Variants in RAD51B observed in about 807,000 individuals in gnomAD.
The protein encoded by RAD51B is DNA repair protein RAD51 homolog 2.
RAD51B carries 38 observed loss-of-function variants against 42.2 expected under a neutral mutation model. The ratio of observed to expected loss-of-function variants is 0.90; its 90% CI spans 0.70 to 1.18. The LOEUF (loss-of-function observed/expected upper bound fraction) is 1.18, where lower values mean the gene tolerates loss of function less well. Ranked by LOEUF, RAD51B falls within the 50% of genes most tolerant of loss-of-function variation. The pLI, the probability that RAD51B is intolerant of heterozygous loss-of-function variation, is 0.00. For missense variants in RAD51B, 373 were observed against 400.7 expected (o/e 0.93, Z 0.59); for synonymous variants, 154 against 145.2 (o/e 1.06, Z -0.43).
intron 7 of RAD51B, among the ~76,000 whole-genome samples, chr14:68,017,875 G>A (rs1224393024): frequency 1.3e-5 from 2 of 152,058 alleles, no homozygotes; most frequent in Non-Finnish European, 2.9e-5. Flanking sequence ...GGACGCTGAG[G>A]CAGGAGAATG....
chr14:68,227,151 A>G (rs545418668), intron 7 of RAD51B, among the ~76,000 whole-genome samples: 13 of 152,194 alleles, frequency 8.5e-5, no homozygotes, highest in Non-Finnish European at 1.5e-4. Flanking sequence ...GAAACAAAAG[A>G]TTGACATAAG....
intron 8 of RAD51B, among the ~76,000 whole-genome samples, chr14:68,399,203 G>C (rs1360501769): frequency 1.3e-5 from 2 of 151,012 alleles, no homozygotes; most frequent in African/African-American, 2.4e-5. Context: ...CTACAGAAAA[G>C]TTCCAAGAAA....
chr14:68,070,835 T>C (rs1307948462), intron 7 of RAD51B, among the ~76,000 whole-genome samples: 4 of 152,168 alleles, frequency 2.6e-5, no homozygotes, highest in African/African-American at 9.7e-5. Flanking sequence ...ATTGGTAGTT[T>C]GATAGGAACA....
intron 7 of RAD51B, among the ~76,000 whole-genome samples, chr14:68,046,708 C>T (rs1276947445): frequency 6.6e-6 from 1 of 152,158 alleles, no homozygotes; most frequent in Non-Finnish European, 1.5e-5. Context: ...TGCACTCCAA[C>T]CTGGGCGACA....
At position 68,411,456 on chromosome 14, in the gene RAD51B, C is replaced by G; in HGVS notation, c.886C>G (p.Leu296Val). The change falls in exon 9 of 11, where the codon CTA (leucine) becomes GTA (valine). Residue 296 changes from leucine to valine, a missense_variant. By Grantham distance (32) the Leu-to-Val change is conservative. Coordinates refer to ENST00000471583, the MANE Select transcript of RAD51B (RefSeq NM_133510.4). ...TSGSSCVIAA[L>V]GNTWSHSVNT... The stretch of plus-strand genomic sequence containing the variant: ...TGGATCCAGCTGTGTGATAGCCGCA[C>G]TAGGAAATACCTGGAGTCACAGTGT... The G allele has an allele frequency of 1.2e-6, 2 of 1,614,112 alleles. No homozygotes were observed. The highest frequency in any genetic ancestry group is 1.7e-6 in the Non-Finnish European group (2 of 1,179,988).
At chr14:68,436,151 A>G (rs971954541) in intron 9 of RAD51B, among the ~76,000 whole-genome samples, 3 of 152,164 alleles carry the variant, frequency 2.0e-5, no homozygotes, top group African/African-American at 7.2e-5. Context: ...TTATAGTTTG[A>G]GGGCCTACAT....
At chr14:68,255,405 C>T (rs1263526759) in intron 7 of RAD51B, among the ~76,000 whole-genome samples, 1 of 152,172 alleles carries the variant, frequency 6.6e-6, no homozygotes, top group African/African-American at 2.4e-5. Flanking sequence ...CTGGGAAAGC[C>T]CTTGTACCCT....
intron 10 of RAD51B, among the ~76,000 whole-genome samples, chr14:68,576,677 A>G (rs560810042): frequency 5.0e-4 from 76 of 152,276 alleles, no homozygotes; most frequent in South Asian, 1.2e-3. Flanking sequence ...CCTCTTAACA[A>G]TCAGATCAGT....
At chr14:67,893,484 A>C (rs1037523930) in intron 7 of RAD51B, among the ~76,000 whole-genome samples, 156 of 68,502 alleles carry the variant, frequency 2.3e-3, no homozygotes, top group African/African-American at 0.012. Context: ...ACACACACAC[A>C]CACACACACA....
intron 7 of RAD51B, among the ~76,000 whole-genome samples, chr14:68,048,067 C>G (rs2076331675): frequency 6.6e-6 from 1 of 152,116 alleles, no homozygotes; most frequent in African/African-American, 2.4e-5. Context: ...ATGAAATACA[C>G]TGGGGAGTAA....
At position 67,899,147 on chromosome 14, in the gene RAD51B, A is replaced by T. The variant is rs192613112; in HGVS notation, c.756+11943A>T. ...AACCTCCGCCTCCCGGGCTCATGCT[A>T]TTCTCCTGCCTCAGCCTCCCGAGTA... On this transcript the variant is annotated intron_variant, in intron 7 of 10. Coordinates refer to ENST00000471583, the MANE Select transcript of RAD51B (RefSeq NM_133510.4). Among the ~76,000 whole-genome samples, 80 of 151,386 alleles carry T rather than the reference A, an allele frequency of 5.3e-4. 1 individual carries two copies. In the East Asian group the frequency reaches 0.015, roughly 27 times the overall value.
At chr14:68,067,465 GAAAAAAAAAAACAA>G (rs1566619074) in intron 7 of RAD51B, among the ~76,000 whole-genome samples, 1 of 95,926 alleles carries the variant, frequency 1.0e-5, no homozygotes, top group Non-Finnish European at 2.2e-5. Context: ...CTCCATCTCG[GAAAAAAAAAAACAA>G]AAAAAAAAAA....
At chr14:68,051,871 CAT>C (rs1051518115) in intron 7 of RAD51B, among the ~76,000 whole-genome samples, 27 of 138,912 alleles carry the variant, frequency 1.9e-4, no homozygotes, top group South Asian at 4.4e-4. Context: ...TATCCTCCCA[CAT>C]ATGTGTGTGT....
intron 10 of RAD51B, among the ~76,000 whole-genome samples, chr14:68,546,349 G>A (rs1279784679): frequency 6.6e-6 from 1 of 152,194 alleles, no homozygotes; most frequent in Non-Finnish European, 1.5e-5. Context: ...AGGGTCCAGA[G>A]GTTTCCATGT....
At position 68,572,944 on chromosome 14, in the gene RAD51B, G is replaced by A. The variant is rs370918640; in HGVS notation, c.1037-21541G>A. ...GGGTAGTAGCCCATCTTACGCGTGA[G>A]GAGACAAAAGCACAGAGAGATGAAA... is the stretch of plus-strand genomic sequence containing the variant. On this transcript the variant is annotated intron_variant, in intron 10 of 10. Transcript: ENST00000487270. 2.6e-5 allele frequency among the ~76,000 whole-genome samples: 4 copies of A among 152,272 alleles called. No homozygotes were observed. In the East Asian group the frequency reaches 5.8e-4, roughly 22 times the overall value.
intron 7 of RAD51B, among the ~76,000 whole-genome samples, chr14:67,940,049 TATATA>T (rs1243071492): frequency 3.1e-4 from 5 of 16,300 alleles, no homozygotes; most frequent in African/African-American, 5.9e-4. Context: ...TATATATATA[TATATA>T]TTTTTTTTTT....
At position 67,906,564 on chromosome 14, in the gene RAD51B, T is replaced by A. The variant is rs77440255; in HGVS notation, c.756+19360T>A. Among the ~76,000 whole-genome samples, 995 of 152,210 alleles carry A rather than the reference T, an allele frequency of 6.5e-3. 9 individuals carry two copies. The highest frequency in any genetic ancestry group is 0.027 in the Middle Eastern group (8 of 294). On this transcript the variant is annotated intron_variant, in intron 7 of 10. Coordinates refer to ENST00000471583, the MANE Select transcript of RAD51B (RefSeq NM_133510.4). ...GGTAGGCTTTTTATTACTGATTCAA[T>A]TTCACAATTTGTTAGTTGTCTGTTT...
chr14:68,282,253 G>A (rs1319707777), intron 7 of RAD51B, among the ~76,000 whole-genome samples: 20 of 152,162 alleles, frequency 1.3e-4, no homozygotes. Context: ...AAAATGCTGG[G>A]ATTACAGGCA....
At chr14:68,466,434 T>C (rs1594879552) in intron 9 of RAD51B, among the ~76,000 whole-genome samples, 1 of 152,240 alleles carries the variant, frequency 6.6e-6, no homozygotes, top group Admixed American at 6.5e-5. Flanking sequence ...GTCACAGTTT[T>C]GGTTAGAATT....
Sources: gnomAD v4.1 joint callset for allele counts (sites outside exome capture counted in the v4.1 genomes callset) on GRCh38, gnomAD v4.1.1 for gene constraint, MANE v1.5 for transcripts, NCBI Gene and HGNC (gene_info 2026-07-23, HGNC 2026-07-21) for gene names.